SLC44A5: variants seen among roughly 807,000 people sequenced by gnomAD.
The protein encoded by SLC44A5 is choline transporter-like protein 5.
A neutral mutation model predicts 101.8 loss-of-function variants in SLC44A5; 57 were observed. The observed-to-expected ratio is 0.56, with a 90% CI of 0.45 to 0.70. The LOEUF (loss-of-function observed/expected upper bound fraction) is 0.70. SLC44A5 is among the 30% of genes least tolerant of loss of function. The pLI is 0.00. For missense variants in SLC44A5, 737 were observed against 853.1 expected, an observed-to-expected ratio of 0.86 and a Z score of 1.70; for synonymous variants, 281 against 290.9, an observed-to-expected ratio of 0.97 and a Z score of 0.35.
chr1:75,316,865 A>G (rs1463516583), intron 4 of SLC44A5, among the ~76,000 whole-genome samples: 1 of 152,208 alleles, frequency 6.6e-6, no homozygotes, highest in Non-Finnish European at 1.5e-5. Flanking sequence ...GGCCACAGTA[A>G]GTCTTGATGT....
chr1:75,629,664 A>C, the SLC44A5 span, among the ~76,000 whole-genome samples: 2 of 152,178 alleles, frequency 1.3e-5, no homozygotes, highest in African/African-American at 4.8e-5. Context: ...AAAAGAAGGG[A>C]CACAATAACT....
the SLC44A5 span, among the ~76,000 whole-genome samples, chr1:75,647,751 C>G: frequency 1.0e-3 from 152 of 152,260 alleles, no homozygotes; most frequent in African/African-American, 3.5e-3. Context: ...AGGCCTATAG[C>G]CCCTTTGCTT....
At chr1:75,707,881 T>G in the SLC44A5 span, among the ~76,000 whole-genome samples, 2 of 152,102 alleles carry the variant, frequency 1.3e-5, no homozygotes, top group Non-Finnish European at 2.9e-5. Flanking sequence ...ATTAAAATGT[T>G]ACAAATTTTC....
chr1:75,506,806 G>A (rs1669282570), intron 2 of SLC44A5, among the ~76,000 whole-genome samples: 1 of 150,908 alleles, frequency 6.6e-6, no homozygotes, highest in African/African-American at 2.4e-5. Flanking sequence ...TTTCCTATTT[G>A]GATCCCTTTA....
chr1:75,336,457 A>C (rs1234121956), intron 4 of SLC44A5, among the ~76,000 whole-genome samples: 3 of 152,164 alleles, frequency 2.0e-5, no homozygotes, highest in Non-Finnish European at 4.4e-5. Context: ...CCCGGCCAGA[A>C]TATGATTATT....
intron 2 of SLC44A5, among the ~76,000 whole-genome samples, chr1:75,480,749 A>G (rs1192410941): frequency 1.3e-5 from 2 of 152,128 alleles, no homozygotes; most frequent in Non-Finnish European, 2.9e-5. Flanking sequence ...CAATGAAATA[A>G]AAGAGGATAC....
intron 6 of SLC44A5, among the ~76,000 whole-genome samples, chr1:75,262,795 T>C (rs1160156689): frequency 1.3e-5 from 2 of 151,976 alleles, no homozygotes; most frequent in Admixed American, 6.6e-5. Context: ...TATAGACCAA[T>C]GGAACAGAAC....
chr1:75,368,500 T>A (rs1383163907), intron 3 of SLC44A5, among the ~76,000 whole-genome samples: 1 of 152,240 alleles, frequency 6.6e-6, no homozygotes. Flanking sequence ...AGTAAATACT[T>A]ACCTAATACA....
intron 2 of SLC44A5, among the ~76,000 whole-genome samples, chr1:75,430,508 A>T (rs1241887188): frequency 1.3e-5 from 2 of 152,206 alleles, no homozygotes; most frequent in Non-Finnish European, 2.9e-5. Flanking sequence ...AGAAAAATGC[A>T]TATGTTTCCT....
intron 2 of SLC44A5, among the ~76,000 whole-genome samples, chr1:75,493,180 G>A (rs1668509454): frequency 6.6e-6 from 1 of 152,058 alleles, no homozygotes; most frequent in African/African-American, 2.4e-5. Flanking sequence ...AGTTAATAAA[G>A]CCCCTAATTT....
intron 13 of SLC44A5, among the ~76,000 whole-genome samples, chr1:75,225,550 C>T (rs1047867299): frequency 3.3e-5 from 5 of 152,194 alleles, no homozygotes; most frequent in Middle Eastern, 3.4e-3. Flanking sequence ...GAGATATACA[C>T]GAATTCATAG....
intron 4 of SLC44A5, among the ~76,000 whole-genome samples, chr1:75,325,264 G>A (rs2100977601): frequency 6.6e-6 from 1 of 152,148 alleles, no homozygotes; most frequent in Admixed American, 6.6e-5. Flanking sequence ...TTTTCAACTT[G>A]TATGAATAAC....
At chr1:75,687,726 C>CT in the SLC44A5 span, among the ~76,000 whole-genome samples, 1 of 152,196 alleles carries the variant, frequency 6.6e-6, no homozygotes, top group South Asian at 2.1e-4. Flanking sequence ...TTCTTGTGTA[C>CT]TTTTTGCTTT....
chr1:75,337,866 G>T (rs116010369), intron 4 of SLC44A5, among the ~76,000 whole-genome samples: 1,965 of 152,284 alleles, frequency 0.013, 56 homozygotes, highest in African/African-American at 0.045. Flanking sequence ...TGCTGTAAGA[G>T]TCTGTCTGAA....
At chr1:75,559,106 C>G (rs1346458757) in intron 1 of SLC44A5, among the ~76,000 whole-genome samples, 5 of 151,888 alleles carry the variant, frequency 3.3e-5, no homozygotes, top group Non-Finnish European at 7.4e-5. Flanking sequence ...AATGTACAAA[C>G]TATTAGAAAC....
At chr1:75,383,840 A>C (rs1173887029) in intron 3 of SLC44A5, among the ~76,000 whole-genome samples, 1 of 152,214 alleles carries the variant, frequency 6.6e-6, no homozygotes, top group Non-Finnish European at 1.5e-5. Flanking sequence ...GAAGCCCATC[A>C]GACTAACAGC....
chr1:75,607,827 CTG>C (rs1373081255), intron 1 of SLC44A5, among the ~76,000 whole-genome samples: 1 of 152,034 alleles, frequency 6.6e-6, no homozygotes, highest in Non-Finnish European at 1.5e-5. Context: ...CCATGTGGAA[CTG>C]TGAGTCAATT....
In SLC44A5 at chr1:75,214,664, G is replaced by A; in HGVS notation, c.1743C>T (p.Gly581=). 1 of 1,610,962 alleles carries A rather than the reference G, an allele frequency of 6.2e-7. No homozygotes were observed. The change falls in exon 20 of 24, where the codon GGC becomes GGT. Residue 581 remains glycine, a synonymous_variant. Coordinates refer to ENST00000370859, the MANE Select transcript of SLC44A5 (RefSeq NM_001130058.2). ...CTTTTGCTGACCTGCAGAAGTTTCTGCCATATATTGCAATCTGAGGAAGAC... is the reference window on the plus strand; with the variant it reads ...CTTTTGCTGACCTGCAGAAGTTTCTACCATATATTGCAATCTGAGGAAGAC... ...RNAYIMIAIY[G]RNFCRSAKDA...
chr1:75,600,512 T>A (rs1674911189), intron 1 of SLC44A5, among the ~76,000 whole-genome samples: 1 of 152,176 alleles, frequency 6.6e-6, no homozygotes, highest in South Asian at 2.1e-4. Context: ...CAAATATTTA[T>A]TTATTTATTT....
Sources: gnomAD v4.1 joint callset for allele counts (sites outside exome capture counted in the v4.1 genomes callset) on GRCh38, gnomAD v4.1.1 for gene constraint, MANE v1.5 for transcripts, NCBI Gene and HGNC (gene_info 2026-07-23, HGNC 2026-07-21) for gene names.